The following ME3 variants were observed in gnomAD, a reference collection of about 807,000 sequenced individuals.
ME3 encodes the protein NADP-dependent malic enzyme, mitochondrial.
In ME3, 48 loss-of-function variants were observed where a neutral mutation model predicts 68.9. That is an observed-to-expected ratio of 0.70 (90% CI 0.55 to 0.89). ME3 has a LOEUF of 0.89. ME3 is among the 40% of genes least tolerant of loss of function. The pLI is 0.00. For synonymous variants in ME3, 320 were observed against 318.8 expected (o/e 1.00, Z -0.04); for missense variants, 675 against 797.4 (o/e 0.85, Z 1.85).
intron 5 of ME3, among the ~76,000 whole-genome samples, chr11:86,507,095 C>T (rs1305307835): frequency 1.3e-5 from 2 of 152,188 alleles, no homozygotes; most frequent in African/African-American, 4.8e-5. Flanking sequence ...CTGTCCCCAA[C>T]CTGCTCTGTT....
At chr11:86,443,920 A>T (rs1365303912) in intron 13 of ME3, among the ~76,000 whole-genome samples, 1 of 151,914 alleles carries the variant, frequency 6.6e-6, no homozygotes, top group Admixed American at 6.6e-5. Context: ...CATACAAGGC[A>T]CTTCATCACT....
intron 2 of ME3, among the ~76,000 whole-genome samples, chr11:86,628,499 T>C (rs1393933013): frequency 1.3e-5 from 2 of 152,224 alleles, no homozygotes; most frequent in African/African-American, 4.8e-5. Flanking sequence ...TTGTTCAGAA[T>C]CTCTGGAGGT....
At chr11:86,635,404 C>A (rs1944272113) in intron 2 of ME3, among the ~76,000 whole-genome samples, 2 of 152,198 alleles carry the variant, frequency 1.3e-5, no homozygotes, top group African/African-American at 4.8e-5. Context: ...AGACTTCCAG[C>A]CTCCAGAACT....
At chr11:86,602,512 G>A (rs1960872791) in intron 2 of ME3, among the ~76,000 whole-genome samples, 1 of 152,044 alleles carries the variant, frequency 6.6e-6, no homozygotes, top group Admixed American at 6.6e-5. Context: ...TCAATATCGT[G>A]AAAATGGCCA....
At chr11:86,552,994 G>A (rs1956768902) in intron 4 of ME3, among the ~76,000 whole-genome samples, 1 of 152,148 alleles carries the variant, frequency 6.6e-6, no homozygotes, top group South Asian at 2.1e-4. Flanking sequence ...TCTGGGTTGA[G>A]TTCTGTCTCG....
chr11:86,576,308 G>T (rs1401566980), intron 2 of ME3, among the ~76,000 whole-genome samples: 2 of 152,158 alleles, frequency 1.3e-5, no homozygotes, highest in Non-Finnish European at 2.9e-5. Context: ...TTGCCACACA[G>T]ATCTTAATGA....
At chr11:86,496,737 T>G (rs1313860706) in intron 6 of ME3, among the ~76,000 whole-genome samples, 1 of 152,190 alleles carries the variant, frequency 6.6e-6, no homozygotes, top group Non-Finnish European at 1.5e-5. Flanking sequence ...ATGTAAATTA[T>G]GATACATCAG....
chr11:86,448,415 C>A lies in ME3; in HGVS notation c.1132-160G>T, dbSNP rs866172041. Among the ~76,000 whole-genome samples the A allele has an allele frequency of 1.3e-4, 20 of 152,294 alleles. No homozygotes were observed. In the Middle Eastern group the frequency reaches 0.01, roughly 78 times the overall value. On this transcript the variant is annotated intron_variant, in intron 10 of 14. Coordinates refer to ENST00000543262, the Ensembl canonical transcript of ME3. The stretch of plus-strand genomic sequence containing the variant: ...CCATCTTCTTGACTACATTTCCTGG[C>A]AGAACCTATGGTGGGACATAAGTGT...
At chr11:86,488,644 CA>C (rs1328559990) in intron 6 of ME3, among the ~76,000 whole-genome samples, 11 of 152,176 alleles carry the variant, frequency 7.2e-5, no homozygotes, top group Admixed American at 1.3e-4. Context: ...TCCTGCTGGC[CA>C]ACTTTCCACG....
intron 2 of ME3, among the ~76,000 whole-genome samples, chr11:86,582,706 C>A (rs2139617973): frequency 6.6e-6 from 1 of 152,220 alleles, no homozygotes; most frequent in African/African-American, 2.4e-5. Flanking sequence ...AAACTGCATA[C>A]TGCTAAAGCA....
chr11:86,536,733 C>G (rs58024483), intron 4 of ME3, among the ~76,000 whole-genome samples: 24,650 of 149,354 alleles, frequency 0.17, 2,126 homozygotes, highest in East Asian at 0.27. Flanking sequence ...TGTGGCGATT[C>G]CTCAGGGATC....
At chr11:86,669,815 T>TA (rs1565305543) in intron 2 of ME3, among the ~76,000 whole-genome samples, 1 of 152,134 alleles carries the variant, frequency 6.6e-6, no homozygotes, top group Admixed American at 6.5e-5. Flanking sequence ...ACCTAGGTTT[T>TA]AAAAAAAGAC....
chr11:86,458,760 G>C (rs561018484), intron 8 of ME3, among the ~76,000 whole-genome samples: 175 of 152,078 alleles, frequency 1.2e-3, no homozygotes, highest in Middle Eastern at 3.4e-3. Flanking sequence ...GAGAGAGAGG[G>C]CAGTTGACCC....
At chr11:86,482,102 C>A (rs1056785886) in intron 7 of ME3, among the ~76,000 whole-genome samples, 1 of 152,166 alleles carries the variant, frequency 6.6e-6, no homozygotes, top group South Asian at 2.1e-4. Context: ...GTCATATTCT[C>A]TTCTCTTTGG....
At chr11:86,447,287 A>G in intron 11 of ME3, 80 bp from the exon 12 acceptor site, 1 of 1,542,380 alleles carries the variant, frequency 6.5e-7, no homozygotes, top group Non-Finnish European at 8.8e-7. Context: ...TGGTGGGGGA[A>G]CTAGGAATAC....
intron 4 of ME3, among the ~76,000 whole-genome samples, chr11:86,517,289 CA>C (rs1221742915): frequency 6.6e-6 from 1 of 152,044 alleles, no homozygotes; most frequent in Non-Finnish European, 1.5e-5. Flanking sequence ...TTCTTTTTGC[CA>C]CATAACCTGT....
At chr11:86,526,206 A>T (rs2139226106) in intron 4 of ME3, among the ~76,000 whole-genome samples, 1 of 152,334 alleles carries the variant, frequency 6.6e-6, no homozygotes, top group Admixed American at 6.5e-5. Flanking sequence ...AGCAAATGGC[A>T]CACCAGGAGA....
chr11:86,658,850 A>G (rs1312712375), intron 2 of ME3, among the ~76,000 whole-genome samples: 1 of 152,126 alleles, frequency 6.6e-6, no homozygotes, highest in African/African-American at 2.4e-5. Context: ...TGATGGGTGG[A>G]TTTAAAAGTC....
chr11:86,653,317 C>CACCT (rs1945604029), intron 2 of ME3, among the ~76,000 whole-genome samples: 2 of 152,186 alleles, frequency 1.3e-5, no homozygotes. Context: ...ACACCACACC[C>CACCT]ATTCCAAAAT....
Sources: gnomAD v4.1 joint callset for allele counts (sites outside exome capture counted in the v4.1 genomes callset) on GRCh38, gnomAD v4.1.1 for gene constraint, MANE v1.5 for transcripts, NCBI Gene and HGNC (gene_info 2026-07-23, HGNC 2026-07-21) for gene names.